Variants in RNF182 observed in about 807,000 individuals in gnomAD.
RNF182 encodes the protein E3 ubiquitin-protein ligase RNF182.
RNF182 carries 15 observed loss-of-function variants against 14.4 expected under a neutral mutation model. The observed-to-expected ratio is 1.04, with a 90% CI of 0.70 to 1.60. The LOEUF (loss-of-function observed/expected upper bound fraction) is 1.60, where lower values mean the gene tolerates loss of function less well. RNF182 is among the 40% of genes most tolerant of loss of function. The probability of loss-of-function intolerance (pLI) is 0.00; values close to 1 mark genes in which losing one functional copy is unlikely to be tolerated. For missense variants in RNF182, 268 were observed against 294.8 expected (o/e 0.91, Z 0.67); for synonymous variants, 128 against 122.9 (o/e 1.04, Z -0.27).
intron 1 of RNF182, among the ~76,000 whole-genome samples, chr6:13,941,643 GA>G (rs1173205338): frequency 6.6e-6 from 1 of 151,812 alleles, no homozygotes; most frequent in East Asian, 1.9e-4. Flanking sequence ...AATTAATAAA[GA>G]AATTTTAATT....
Position 13,941,780 on chromosome 6 carries a change from G to A in RNF182, c.-367+16757G>A, listed in dbSNP as rs184429116. Among the ~76,000 whole-genome samples, 8 of 151,934 alleles carry A rather than the reference G, an allele frequency of 5.3e-5. No individual in the cohort carries two copies. The South Asian group carries it at 1.0e-3, about 20-fold the overall frequency. ...TTTAAATTAGTATTTTAATCCTTCC[G>A]TGATGGTGTAGTGTTATTAGAATAC... On this transcript the variant is annotated intron_variant, in intron 1 of 2. Coordinates refer to ENST00000488300, the MANE Select transcript of RNF182 (RefSeq NM_152737.4).
chr6:13,949,475 G>C (rs971670539), intron 1 of RNF182: 8 of 614,438 alleles, frequency 1.3e-5, no homozygotes, highest in Middle Eastern at 2.8e-4. Context: ...GACGAGAAAG[G>C]CTGGTTATAA....
chr6:13,963,773 A>G (rs1388874000), intron 1 of RNF182, among the ~76,000 whole-genome samples: 3 of 152,210 alleles, frequency 2.0e-5, no homozygotes, highest in Non-Finnish European at 2.9e-5. Flanking sequence ...TCACAAGGCC[A>G]AGATTTAAGG....
chr6:13,926,857 A>T (rs941888689), intron 1 of RNF182, among the ~76,000 whole-genome samples: 2 of 151,674 alleles, frequency 1.3e-5, no homozygotes. Flanking sequence ...CAAAACCAGT[A>T]TTCAAGTTCA....
intron 1 of RNF182, among the ~76,000 whole-genome samples, chr6:13,938,117 C>CGGTCTCTG (rs1759185598): frequency 6.9e-6 from 1 of 145,078 alleles, no homozygotes; most frequent in South Asian, 2.2e-4. Flanking sequence ...TCTCCTGCCT[C>CGGTCTCTG]GGTCTCTGCG....
At chr6:13,969,294 A>G (rs146883147) in intron 1 of RNF182, among the ~76,000 whole-genome samples, 1 of 152,160 alleles carries the variant, frequency 6.6e-6, no homozygotes, top group Non-Finnish European at 1.5e-5. Flanking sequence ...CTAGCTTCAA[A>G]TAAAGAGTTG....
chr6:13,935,419 T>TA (rs1390561745), intron 1 of RNF182, among the ~76,000 whole-genome samples: 2 of 152,250 alleles, frequency 1.3e-5, no homozygotes, highest in African/African-American at 4.8e-5. Flanking sequence ...ACACACAAGA[T>TA]ATGTGTGTGT....
intron 1 of RNF182, among the ~76,000 whole-genome samples, chr6:13,957,145 A>G (rs1158752628): frequency 6.6e-6 from 1 of 152,224 alleles, no homozygotes; most frequent in Non-Finnish European, 1.5e-5. Flanking sequence ...AATATACAAT[A>G]AATATAAAAC....
chr6:13,979,596 A>G lies in RNF182; in HGVS notation c.*1733A>G, dbSNP rs1260439880. Reference sequence around the variant, plus strand: ...TATGATTTCATAAAATCTAGTTTAGATAGCATTGTGATGCAATTTCCAGAA... The same window carrying G: ...TATGATTTCATAAAATCTAGTTTAGGTAGCATTGTGATGCAATTTCCAGAA... On this transcript the variant is annotated 3_prime_UTR_variant, in exon 3 of 3. Transcript: ENST00000488300. 6.0e-6 allele frequency: 1 copy of G among 166,868 alleles called. No individual in the cohort carries two copies. The highest frequency in any genetic ancestry group is 1.5e-5 in the Non-Finnish European group (1 of 68,128). The allele number at this position is 166,868 out of a possible 1,614,324, so 10.3% of individuals were successfully genotyped here.
chr6:13,938,096 G>C (rs1051047544), intron 1 of RNF182, among the ~76,000 whole-genome samples: 1 of 147,788 alleles, frequency 6.8e-6, no homozygotes, highest in East Asian at 2.0e-4. Flanking sequence ...CGCCTACCGG[G>C]TTCACGCCAT....
At chr6:13,925,563 C>T (rs1010445573) in intron 1 of RNF182, among the ~76,000 whole-genome samples, 1 of 151,698 alleles carries the variant, frequency 6.6e-6, no homozygotes, top group African/African-American at 2.4e-5. Flanking sequence ...ACCTTTTTTT[C>T]TTTGGAAGGT....
chr6:13,940,104 GGGAAAGCATTC>G, intron 1 of RNF182, among the ~76,000 whole-genome samples: 1 of 152,092 alleles, frequency 6.6e-6, no homozygotes, highest in East Asian at 1.9e-4. Flanking sequence ...CAATTTCAGG[GGGAAAGCATTC>G]AATATTTAAA....
chr6:13,947,421 T>C (rs1350455129), intron 1 of RNF182, among the ~76,000 whole-genome samples: 1 of 152,226 alleles, frequency 6.6e-6, no homozygotes, highest in African/African-American at 2.4e-5. Context: ...GTGGACTGAT[T>C]TGTTGGCAAA....
intron 1 of RNF182, among the ~76,000 whole-genome samples, chr6:13,928,366 C>T (rs1758882319): frequency 6.6e-6 from 1 of 152,168 alleles, no homozygotes; most frequent in South Asian, 2.1e-4. Flanking sequence ...TGATGAAAGT[C>T]AACCAACCTC....
At chr6:13,947,921 A>C (rs1041324419) in intron 1 of RNF182, among the ~76,000 whole-genome samples, 37 of 152,230 alleles carry the variant, frequency 2.4e-4, no homozygotes, top group Non-Finnish European at 1.5e-5. Flanking sequence ...CCATAAGTTA[A>C]AAATACTCAC....
intron 2 of RNF182, 76 bp from the exon 3 acceptor site, chr6:13,976,833 A>G: frequency 2.8e-6 from 1 of 355,274 alleles, no homozygotes; most frequent in Non-Finnish European, 5.1e-6. Flanking sequence ...AGCTCAGAAA[A>G]TTCCATAAAG....
intron 1 of RNF182, among the ~76,000 whole-genome samples, chr6:13,945,821 G>A (rs1295234888): frequency 6.6e-6 from 1 of 152,154 alleles, no homozygotes; most frequent in African/African-American, 2.4e-5. Flanking sequence ...TCTGTTACCA[G>A]AAAGGGGTCC....
intron 1 of RNF182, among the ~76,000 whole-genome samples, chr6:13,933,199 G>C (rs1759018343): frequency 1.3e-5 from 2 of 152,192 alleles, no homozygotes; most frequent in Admixed American, 1.3e-4. Flanking sequence ...CCTTAGACCA[G>C]TGCTGTCCAA....
At chr6:13,964,795 C>T (rs73364320) in intron 1 of RNF182, among the ~76,000 whole-genome samples, 9 of 152,282 alleles carry the variant, frequency 5.9e-5, no homozygotes, top group African/African-American at 2.2e-4. Context: ...CTCACCCTCA[C>T]CCCATAGTGT....
Sources: gnomAD v4.1 joint callset for allele counts (sites outside exome capture counted in the v4.1 genomes callset) on GRCh38, gnomAD v4.1.1 for gene constraint, MANE v1.5 for transcripts, NCBI Gene and HGNC (gene_info 2026-07-23, HGNC 2026-07-21) for gene names.